MLXIP: variants seen among roughly 807,000 people sequenced by gnomAD.
MLXIP encodes MLX interacting protein.
MLXIP carries 30 observed loss-of-function variants against 87.2 expected under a neutral mutation model. That is an observed-to-expected ratio of 0.34 (90% confidence interval 0.26 to 0.47). The LOEUF is 0.47. Ranked by LOEUF, MLXIP falls within the 20% of genes least tolerant of loss-of-function variation. The pLI is 1.00. For synonymous variants in MLXIP, 530 were observed against 514.0 expected (o/e 1.03, Z -0.42); for missense variants, 1,002 against 1,240.1 (o/e 0.81, Z 2.88).
At position 122,135,628 on chromosome 12, in the gene MLXIP, T is replaced by C. The variant is rs1461725587; in HGVS notation, c.1994T>C (p.Leu665Pro). The part of the protein sequence containing the change: ...DPLGKGEQVP[L>P]HGGSPQVTVT... ...CTGGGGAAGGGCGAGCAGGTCCCGC[T>C]GCATGGGGGCAGCCCCCAGGTCACT... Residue 665 changes from leucine (L) to proline (P), a missense_variant, in exon 11 of 17, where the codon CTG (leucine) becomes CCG (proline). Around this residue, in one of 3 missense-constraint regions of MLXIP, gnomAD observed 746 missense variants for 897.0 expected, o/e 0.83. Coordinates refer to ENST00000319080, the MANE Select transcript of MLXIP (RefSeq NM_014938.6). This position sits in a 1 kb window ranked among gnomAD's most constrained non-coding sequence, Gnocchi z 5.3. The C allele has an allele frequency of 2.6e-6, 4 of 1,554,008 alleles. No individual in the cohort carries two copies. In the Admixed American group the frequency reaches 7.7e-5, roughly 30 times the overall value.
At chr12:122,095,242 G>A (rs1192425273) in intron 1 of MLXIP, among the ~76,000 whole-genome samples, 1 of 150,722 alleles carries the variant, frequency 6.6e-6, no homozygotes, top group Non-Finnish European at 1.5e-5. Context: ...GGATGTGTGG[G>A]TATGTGTGTG....
intron 7 of MLXIP, among the ~76,000 whole-genome samples, chr12:122,131,315 CAT>C (rs910095562): frequency 5.3e-5 from 8 of 151,982 alleles, no homozygotes; most frequent in African/African-American, 1.9e-4. Context: ...TAGTTGCCAA[CAT>C]GTGTGGTTCC....
intron 1 of MLXIP, among the ~76,000 whole-genome samples, chr12:122,116,965 A>G (rs1952701800): frequency 6.6e-6 from 1 of 152,208 alleles, no homozygotes; most frequent in African/African-American, 2.4e-5. Context: ...GGCAGGGTGA[A>G]GTCACCATTG....
chr12:122,101,417 A>C (rs1952433846), intron 1 of MLXIP, among the ~76,000 whole-genome samples: 1 of 151,268 alleles, frequency 6.6e-6, no homozygotes. Context: ...GAAGAACAAA[A>C]GTTTTTAATT....
At chr12:122,094,773 GTGT>G (rs1395687283) in intron 1 of MLXIP, among the ~76,000 whole-genome samples, 7 of 146,202 alleles carry the variant, frequency 4.8e-5, no homozygotes, top group Non-Finnish European at 7.5e-5. Context: ...GGTGTCTGTG[GTGT>G]TGGTGTGGGG....
chr12:122,127,564 C>T (rs890735093), intron 2 of MLXIP, among the ~76,000 whole-genome samples: 22 of 152,236 alleles, frequency 1.4e-4, no homozygotes, highest in African/African-American at 5.3e-4. Context: ...AAGACTCAGG[C>T]ATGGGCCTTC....
intron 1 of MLXIP, among the ~76,000 whole-genome samples, chr12:122,118,215 G>A (rs985777993): frequency 3.3e-5 from 5 of 152,244 alleles, no homozygotes; most frequent in African/African-American, 4.8e-5. Context: ...AGAGCGGTAC[G>A]GCGTGAGATT....
rs188831426 is a variant in MLXIP, at chr12:122,085,804, G to A, written c.413+6538G>A. ...TGGTGTTCGTATCGTGGCTTGCTTGGACAGGTGTGGTGGGCAGATTAATGG... is the reference window on the plus strand; with the variant it reads ...TGGTGTTCGTATCGTGGCTTGCTTGAACAGGTGTGGTGGGCAGATTAATGG... On this transcript the variant is annotated intron_variant, in intron 1 of 16. Coordinates refer to ENST00000319080, the MANE Select transcript of MLXIP (RefSeq NM_014938.6). Among the ~76,000 whole-genome samples, 225 of 152,246 alleles carry A rather than the reference G, an allele frequency of 1.5e-3. 1 individual carries two copies. The highest frequency in any genetic ancestry group is 2.5e-3 in the Admixed American group (38 of 15,274).
intron 1 of MLXIP, among the ~76,000 whole-genome samples, chr12:122,093,067 G>T (rs928748137): frequency 6.8e-5 from 10 of 146,416 alleles, no homozygotes; most frequent in Non-Finnish European, 1.4e-4. Flanking sequence ...GTGTGCATGT[G>T]TTGGTGTGTT....
At position 122,134,093 on chromosome 12, in the gene MLXIP, G is replaced by C. The variant is rs200523551; in HGVS notation, c.1732+106G>C. 162 of 1,309,700 alleles carry C rather than the reference G, an allele frequency of 1.2e-4. No individual in the cohort carries two copies. The Middle Eastern group carries it at 1.7e-3, about 14-fold the overall frequency. The allele number at this position is 1,309,700 out of a possible 1,614,324, so 81.1% of individuals were successfully genotyped here. ...GTGACCACCACCACCACCCTGGTGT[G>C]CACGTGCATGCGCACACACATACAC... On this transcript the variant is annotated intron_variant, in intron 9 of 16. Coordinates refer to ENST00000319080, the MANE Select transcript of MLXIP (RefSeq NM_014938.6).
chr12:122,138,312 G>T lies in MLXIP; in HGVS notation c.2256+17G>T. Reference sequence around the variant, plus strand: ...TCCAAGCTGGTGAGTTGCCAAGAGCGTGGGCTGTGGCAGGGCAGGGGAGCT... The same window carrying T: ...TCCAAGCTGGTGAGTTGCCAAGAGCTTGGGCTGTGGCAGGGCAGGGGAGCT... On this transcript the variant is annotated intron_variant, in intron 13 of 16. Coordinates refer to ENST00000319080, the MANE Select transcript of MLXIP (RefSeq NM_014938.6). 3 of 1,613,490 alleles carry T rather than the reference G, an allele frequency of 1.9e-6. No individual in the cohort carries two copies. The highest frequency in any genetic ancestry group is 2.5e-6 in the Non-Finnish European group (3 of 1,179,560).
At chr12:122,121,307 C>CTTTTTTTT (rs35967072) in intron 1 of MLXIP, among the ~76,000 whole-genome samples, 2 of 118,226 alleles carry the variant, frequency 1.7e-5, no homozygotes, top group Non-Finnish European at 1.7e-5. Flanking sequence ...TGTGCCCAGC[C>CTTTTTTTT]TTTTTTTTTT....
chr12:122,128,883 G>C, intron 3 of MLXIP: 1 of 505,342 alleles, frequency 2.0e-6, no homozygotes, highest in Non-Finnish European at 3.6e-6. Context: ...TGTCCTCCTG[G>C]ACAGAGCCTC....
chr12:122,084,145 TG>T (rs1952131928), intron 1 of MLXIP, among the ~76,000 whole-genome samples: 4 of 2,836 alleles, frequency 1.4e-3, no homozygotes, highest in Non-Finnish European at 8.5e-3. Context: ...TCAGCCAGAT[TG>T]TGTGTGTGTG....
At chr12:122,086,372 C>T (rs1037095209) in intron 1 of MLXIP, among the ~76,000 whole-genome samples, 5 of 152,040 alleles carry the variant, frequency 3.3e-5, no homozygotes, top group Non-Finnish European at 5.9e-5. Flanking sequence ...CGTGGGTCCT[C>T]GGCACCAGCG....
chr12:122,086,852 C>T (rs971912059), intron 1 of MLXIP, among the ~76,000 whole-genome samples: 3 of 152,120 alleles, frequency 2.0e-5, no homozygotes, highest in East Asian at 3.9e-4. Flanking sequence ...CTTCACTGTC[C>T]GGCCAGACGC....
Position 122,129,201 on chromosome 12 carries a change from A to G in MLXIP, c.671A>G (p.Lys224Arg). The G allele has an allele frequency of 6.2e-7, 1 of 1,611,000 alleles. No individual in the cohort carries two copies. Among genetic ancestry groups the G allele is most frequent in the Non-Finnish European group, 8.5e-7 (1 of 1,178,664 alleles). ...GAGATTGTGATCCGGGAGTATCACA[A>G]GTGGAGAACCTACTTCAAGAAAAGG... Reference protein sequence around the residue: ...RIEIVIREYHKWRTYFKKRLQ... With the variant: ...RIEIVIREYHRWRTYFKKRLQ... Residue 224 changes from lysine to arginine, a missense_variant, in exon 4 of 17, where the codon AAG becomes AGG. Physicochemically the swap from Lys to Arg is conservative, Grantham distance 26. Coordinates refer to ENST00000319080, the MANE Select transcript of MLXIP (RefSeq NM_014938.6).
intron 1 of MLXIP, among the ~76,000 whole-genome samples, chr12:122,104,217 T>C (rs1299884518): frequency 6.6e-6 from 1 of 152,216 alleles, no homozygotes; most frequent in Non-Finnish European, 1.5e-5. Context: ...TTTATAGTTT[T>C]GGCAAATGTA....
chr12:122,097,612 C>CCA (rs1952373915), intron 1 of MLXIP, among the ~76,000 whole-genome samples: 1 of 97,172 alleles, frequency 1.0e-5, no homozygotes, highest in Admixed American at 9.7e-5. Flanking sequence ...GACCCTGCCT[C>CCA]TAAAAAAAAA....
Sources: gnomAD v4.1 joint callset for allele counts (sites outside exome capture counted in the v4.1 genomes callset) on GRCh38, gnomAD v4.1.1 for gene constraint, gnomAD v4.1.1 regional missense constraint, Gnocchi (gnomAD v3.1) non-coding constraint, MANE v1.5 for transcripts, NCBI Gene and HGNC (gene_info 2026-07-23, HGNC 2026-07-21) for gene names.